SHROOM2: variants seen among roughly 807,000 people sequenced by gnomAD.
SHROOM2 encodes protein Shroom2.
SHROOM2 carries 33 observed loss-of-function variants against 75.9 expected under a neutral mutation model. The observed-to-expected ratio is 0.43, with a 90% confidence interval of 0.33 to 0.58. The LOEUF is 0.58. Ranked by LOEUF, SHROOM2 falls within the 20% of genes least tolerant of loss-of-function variation. The pLI is 0.04. For synonymous variants in SHROOM2, 655 were observed against 663.6 expected, an observed-to-expected ratio of 0.99 and a Z score of 0.20; for missense variants, 1,434 against 1,461.2, an observed-to-expected ratio of 0.98 and a Z score of 0.30.
rs1014425271 is a variant in SHROOM2 at position 9,878,857 on chromosome X, G to A, written c.317+5054G>A. 1.2e-4 allele frequency among the ~76,000 whole-genome samples: 13 copies of A among 110,786 alleles called. 1 individual carries two copies. The highest frequency in any genetic ancestry group is 4.7e-3 in the Middle Eastern group (1 of 215). ...GTCAGGTGAAACCCATGCCTTCGAGGCTGTCTGATGTCTTTGTCTGTGATT... is the reference window on the plus strand; with the variant it reads ...GTCAGGTGAAACCCATGCCTTCGAGACTGTCTGATGTCTTTGTCTGTGATT... On this transcript the variant is annotated intron_variant, in intron 2 of 9. Transcript: ENST00000380913.
chrX:9,922,154 A>C (rs1211568980), intron 5 of SHROOM2, among the ~76,000 whole-genome samples: 2 of 111,559 alleles, frequency 1.8e-5, no homozygotes, highest in Non-Finnish European at 3.8e-5. Flanking sequence ...CCTGGATTCA[A>C]GTGATCCTCC....
At chrX:9,933,072 G>T (rs1413342593) in intron 6 of SHROOM2, among the ~76,000 whole-genome samples, 1 of 111,385 alleles carries the variant, frequency 9.0e-6, no homozygotes, top group South Asian at 3.8e-4. Flanking sequence ...GGGGGCTGCT[G>T]TTTCCTGCAG....
intron 5 of SHROOM2, among the ~76,000 whole-genome samples, chrX:9,901,000 C>T (rs898288978): frequency 9.0e-6 from 1 of 110,691 alleles, no homozygotes; most frequent in Non-Finnish European, 1.9e-5. Flanking sequence ...ATAACAAACT[C>T]CCCAAGACTG....
At chrX:9,835,406 A>G (rs1015229385) in intron 1 of SHROOM2, among the ~76,000 whole-genome samples, 1 of 112,593 alleles carries the variant, frequency 8.9e-6, no homozygotes, top group African/African-American at 3.2e-5. Flanking sequence ...CAGCAGCGTC[A>G]TCCCCTTGGA....
intron 6 of SHROOM2, 61 bp downstream of exon 6, chrX:9,932,931 A>C: frequency 9.9e-7 from 1 of 1,014,646 alleles, no homozygotes; most frequent in Non-Finnish European, 1.3e-6. Flanking sequence ...GCGGGTTCTC[A>C]GTGGGTCTTT....
intron 5 of SHROOM2, among the ~76,000 whole-genome samples, chrX:9,905,669 T>G (rs775182872): frequency 8.8e-6 from 1 of 113,056 alleles, no homozygotes; most frequent in East Asian, 2.8e-4. Flanking sequence ...CAGTTTAAAT[T>G]TTTGTGTGTT....
intron 5 of SHROOM2, among the ~76,000 whole-genome samples, chrX:9,903,900 G>A (rs2084377744): frequency 9.0e-6 from 1 of 110,709 alleles, no homozygotes; most frequent in Admixed American, 9.7e-5. Context: ...ATACCCATGG[G>A]GACTTTAAGA....
chrX:9,856,990 C>T (rs2084074355), intron 1 of SHROOM2, among the ~76,000 whole-genome samples: 1 of 112,204 alleles, frequency 8.9e-6, no homozygotes, highest in Non-Finnish European at 1.9e-5. Context: ...CTGATGGCTG[C>T]CAGGGATCCT....
Position 9,894,942 on chromosome X carries a change from C to A in SHROOM2, c.1034C>A (p.Ala345Glu), listed in dbSNP as rs756155141. The A allele has an allele frequency of 2.5e-6, 3 of 1,210,793 alleles. No homozygotes were observed. Among genetic ancestry groups the A allele is most frequent in the Non-Finnish European group, 3.4e-6 (3 of 895,170 alleles). The change falls in exon 4 of 10, where the codon GCG (alanine) becomes GAG (glutamate). Residue 345 changes from alanine to glutamate, a missense_variant. Physicochemically the swap from Ala to Glu is moderately radical, Grantham distance 107 (BLOSUM62 -1). Coordinates refer to ENST00000380913, the MANE Select transcript of SHROOM2 (RefSeq NM_001649.4). ...AQGPVFSEAAAAQHFTALAQA... is the reference protein window; with the variant it reads ...AQGPVFSEAAEAQHFTALAQA... ...GGCCCTGTGTTCTCAGAGGCGGCTG[C>A]GGCACAGCACTTTACGGCCCTGGCC...
At chrX:9,787,786 G>A (rs2083623314) in intron 1 of SHROOM2, among the ~76,000 whole-genome samples, 1 of 111,814 alleles carries the variant, frequency 8.9e-6, no homozygotes, top group African/African-American at 3.2e-5. Flanking sequence ...GGGATTTGGA[G>A]AAGCCTTGTT....
intron 3 of SHROOM2, among the ~76,000 whole-genome samples, chrX:9,894,074 G>A (rs968693983): frequency 5.5e-5 from 6 of 109,672 alleles, no homozygotes; most frequent in African/African-American, 1.7e-4. Flanking sequence ...CCAACGATCC[G>A]GGCATCAGGC....
chrX:9,792,161 A>AG (rs1491434689), intron 1 of SHROOM2, among the ~76,000 whole-genome samples: 6 of 99,835 alleles, frequency 6.0e-5, no homozygotes, highest in Non-Finnish European at 8.1e-5. Context: ...GAATAGAATA[A>AG]TCACCAGTAT....
chrX:9,937,254 T>C lies in SHROOM2; in HGVS notation c.3708T>C (p.Pro1236=), dbSNP rs61185401. 70 of 1,209,027 alleles carry C rather than the reference T, an allele frequency of 5.8e-5. 1 individual carries two copies. In the East Asian group the frequency reaches 2.1e-3, roughly 35 times the overall value. The change falls in exon 7 of 10, where the codon CCT becomes CCC. Residue 1236 remains proline, a synonymous_variant. Transcript: ENST00000380913. ...GCCTGGCATGCCCCGCCGAGCCACC[T>C]GCCCTGCCCCACGGGCTGGAGAAAG... ...RQSLACPAEP[P]ALPHGLEKDQ...
At chrX:9,941,749 A>G (rs1475215419) in intron 8 of SHROOM2, among the ~76,000 whole-genome samples, 1 of 109,714 alleles carries the variant, frequency 9.1e-6, no homozygotes, top group South Asian at 3.9e-4. Context: ...AGGTGGGCGG[A>G]TCACGAGGTC....
intron 6 of SHROOM2, among the ~76,000 whole-genome samples, chrX:9,935,995 C>T (rs923276994): frequency 8.1e-5 from 9 of 111,587 alleles, no homozygotes; most frequent in Middle Eastern, 4.6e-3. Flanking sequence ...GCAGGGCTGC[C>T]CCAGACAAGG....
intron 2 of SHROOM2, among the ~76,000 whole-genome samples, chrX:9,879,654 T>G (rs1601962454): frequency 8.9e-6 from 1 of 112,565 alleles, no homozygotes; most frequent in East Asian, 2.8e-4. Flanking sequence ...TCTATTGGGG[T>G]TTTGCCTTAG....
rs1163830296 is a variant in SHROOM2 at position 9,850,846 on chromosome X, A to AAAAG, written c.166-22805_166-22804insAAGA. ...GACTCTGTGTCAAAAAAAAAAAAAA[A>AAAAG]AGAGAAAACAAACAGAAAAACTTGT... is the stretch of plus-strand genomic sequence containing the variant. On this transcript the variant is annotated intron_variant, in intron 1 of 9. Transcript: ENST00000380913. Among the ~76,000 whole-genome samples the AAAAG allele has an allele frequency of 6.4e-5, 7 of 108,947 alleles. No individual in the cohort carries two copies. The East Asian group carries it at 1.4e-3, about 22-fold the overall frequency. 94.6% of individuals were successfully genotyped at this position (108,947 alleles called of 115,157 possible).
In SHROOM2 at chrX:9,937,395, C is replaced by G. The variant is rs770294645; in HGVS notation, c.3849C>G (p.Pro1283=). 32 of 1,205,576 alleles carry G rather than the reference C, an allele frequency of 2.7e-5. No homozygotes were observed. The highest frequency in any genetic ancestry group is 3.5e-5 in the African/African-American group (2 of 57,080). The change falls in exon 7 of 10, where the codon CCC becomes CCG. Residue 1283 remains proline, a synonymous_variant. Transcript: ENST00000380913. ...PHRAQPAEPQ[P]LGTQVPPEKD... ...GGGCCCAGCCGGCTGAGCCCCAGCC[C>G]CTGGGCACCCAGGTGCCCCCCGAGA...
rs188220960 is a variant in SHROOM2 at position 9,942,278 on chromosome X, G to A, written c.4312-2363G>A. 9.8e-5 allele frequency among the ~76,000 whole-genome samples: 11 copies of A among 111,976 alleles called. No homozygotes were observed. The East Asian group carries it at 2.5e-3, about 26-fold the overall frequency. On this transcript the variant is annotated intron_variant, in intron 8 of 9. Transcript: ENST00000380913. ...CACAGCAACCAACACAGAAGACTTC[G>A]GTGACCACATGTGTGAGGGGGGTTT...
Sources: gnomAD v4.1 joint callset for allele counts (sites outside exome capture counted in the v4.1 genomes callset) on GRCh38, gnomAD v4.1.1 for gene constraint, MANE v1.5 for transcripts, NCBI Gene and HGNC (gene_info 2026-07-23, HGNC 2026-07-21) for gene names.